The following CPSF3 variants were observed in gnomAD, a reference collection of about 807,000 sequenced individuals.
CPSF3 encodes the protein cleavage and polyadenylation specificity factor subunit 3.
A neutral mutation model predicts 84.1 loss-of-function variants in CPSF3; 57 were observed. The ratio of observed to expected loss-of-function variants is 0.68; its 90% CI spans 0.55 to 0.85. The LOEUF is 0.85. CPSF3 is among the 40% of genes least tolerant of loss of function. The pLI is 0.00. For missense variants in CPSF3, 522 were observed against 838.8 expected (o/e 0.62, Z 4.66); for synonymous variants, 275 against 278.1 (o/e 0.99, Z 0.11).
intron 16 of CPSF3, among the ~76,000 whole-genome samples, chr2:9,470,345 TC>T (rs1229623928): frequency 6.6e-6 from 1 of 152,154 alleles, no homozygotes; most frequent in African/African-American, 2.4e-5. Flanking sequence ...ACTCCCCACT[TC>T]CCCCGCTTAA....
In CPSF3 at chr2:9,443,539, A is replaced by G. The variant is rs371721884; in HGVS notation, c.1120A>G (p.Ile374Val). 1.7e-5 allele frequency: 28 copies of G among 1,613,850 alleles called. No individual in the cohort carries two copies. In the African/African-American group the frequency reaches 3.5e-4, roughly 20 times the overall value. ...GCACATCATGTCTGAACCTGAAGAA[A>G]TCACTACTATGTCTGGACAGAAGTT... ...AKHIMSEPEE[I>V]TTMSGQKLPL... Residue 374 changes from isoleucine to valine, a missense_variant, in exon 10 of 18, where the codon ATC (isoleucine) becomes GTC (valine). Around this residue, in one of 2 missense-constraint regions of CPSF3, gnomAD observed 329 missense variants for 607.2 expected, o/e 0.54. Transcript: ENST00000238112.
At chr2:9,454,998 A>G (rs1681473855) in intron 12 of CPSF3, among the ~76,000 whole-genome samples, 1 of 152,172 alleles carries the variant, frequency 6.6e-6, no homozygotes, top group Non-Finnish European at 1.5e-5. Context: ...GGAGCTGGAA[A>G]AAGCTTTGTA....
Position 9,459,553 on chromosome 2 carries a change from A to C in CPSF3, c.1721A>C (p.Asp574Ala). ...VLEWLANPSN[D>A]MYADTVTTVI... The stretch of plus-strand genomic sequence containing the variant: ...CAGTGGCTGGCAAACCCTTCTAATG[A>C]TATGTATGCAGATACAGTAACAACT... The change falls in exon 15 of 18, where the codon GAT becomes GCT. Residue 574 changes from aspartate (D) to alanine (A), a missense_variant. Physicochemically the swap from Asp to Ala is moderately radical, Grantham distance 126. Around this residue, in one of 2 missense-constraint regions of CPSF3, gnomAD observed 193 missense variants for 231.6 expected, o/e 0.83. Coordinates refer to ENST00000238112, the MANE Select transcript of CPSF3 (RefSeq NM_016207.4). 6.3e-7 allele frequency: 1 copy of C among 1,598,976 alleles called. No individual in the cohort carries two copies. Among genetic ancestry groups the C allele is most frequent in the South Asian group, 1.1e-5 (1 of 90,842 alleles).
At chr2:9,470,668 C>T (rs1682134047) in intron 16 of CPSF3, among the ~76,000 whole-genome samples, 1 of 152,152 alleles carries the variant, frequency 6.6e-6, no homozygotes, top group African/African-American at 2.4e-5. Flanking sequence ...GCCATTTAAA[C>T]CTAGATACCT....
chr2:9,445,574 G>A (rs1405910456), intron 10 of CPSF3, among the ~76,000 whole-genome samples: 1 of 152,182 alleles, frequency 6.6e-6, no homozygotes, highest in Non-Finnish European at 1.5e-5. Context: ...TCACTCTCCT[G>A]TCTATAGCAT....
At chr2:9,466,406 G>T (rs528699142) in intron 15 of CPSF3, among the ~76,000 whole-genome samples, 1 of 141,770 alleles carries the variant, frequency 7.1e-6, no homozygotes, top group African/African-American at 2.8e-5. Context: ...ACACACGCAC[G>T]CGCACACACG....
intron 1 of CPSF3, among the ~76,000 whole-genome samples, chr2:9,428,057 C>T (rs1404767813): frequency 2.7e-5 from 4 of 149,486 alleles, no homozygotes; most frequent in Non-Finnish European, 3.0e-5. Flanking sequence ...AGCGCAGTGG[C>T]GCGATCTCAG....
At chr2:9,442,672 G>A (rs1311550854) in intron 9 of CPSF3, among the ~76,000 whole-genome samples, 1 of 152,032 alleles carries the variant, frequency 6.6e-6, no homozygotes, top group Non-Finnish European at 1.5e-5. Flanking sequence ...CCAACATGGC[G>A]AAACCCCGTC....
In CPSF3 at chr2:9,434,049, A is replaced by G. The variant is rs1680690107; in HGVS notation, c.609+89A>G. 2.1e-5 allele frequency: 16 copies of G among 771,074 alleles called. No homozygotes were observed. In the Admixed American group the frequency reaches 3.8e-4, roughly 18 times the overall value. The allele number at this position is 771,074 out of a possible 1,614,324, so 47.8% of individuals were successfully genotyped here. ...ATAATACTGTGATCTCACTTTCATA[A>G]TATGTTATTGGATATAAACTTACCT... On this transcript the variant is annotated intron_variant, in intron 6 of 17. Transcript: ENST00000238112.
At chr2:9,466,345 C>T (rs934793496) in intron 15 of CPSF3, among the ~76,000 whole-genome samples, 19 of 44,362 alleles carry the variant, frequency 4.3e-4, no homozygotes, top group Admixed American at 1.9e-3. Flanking sequence ...CACACACGCG[C>T]GCGCGCGCAC....
chr2:9,427,981 ATTTTAAAAAAAAAAATTTTT>A (rs1680446140), intron 1 of CPSF3, among the ~76,000 whole-genome samples: 1 of 150,696 alleles, frequency 6.6e-6, no homozygotes, highest in Admixed American at 6.6e-5. Flanking sequence ...ATGAATAAGT[ATTTTAAAAAAAAAAATTTTT>A]TTTTTTTTTT....
intron 15 of CPSF3, among the ~76,000 whole-genome samples, chr2:9,466,218 GCACGCA>G (rs1294586605): frequency 6.1e-4 from 84 of 138,030 alleles, no homozygotes; most frequent in African/African-American, 2.3e-3. Context: ...GCGCACACAC[GCACGCA>G]CACACACACG....
intron 13 of CPSF3, among the ~76,000 whole-genome samples, chr2:9,456,002 A>T (rs1001706975): frequency 6.6e-6 from 1 of 152,056 alleles, no homozygotes; most frequent in African/African-American, 2.4e-5. Context: ...ATATACTCAA[A>T]TTTTTTTTAA....
intron 11 of CPSF3, among the ~76,000 whole-genome samples, chr2:9,451,858 A>T (rs1165277819): frequency 6.6e-6 from 1 of 151,672 alleles, no homozygotes. Flanking sequence ...CTGGGACTAC[A>T]GGCGCCCGCC....
At position 9,471,138 on chromosome 2, in the gene CPSF3, C is replaced by T. The variant is rs540325352; in HGVS notation, c.1857-205C>T. ...CTGAGGCAGGAGAATCACTTGAATC[C>T]GGGAGGCGGAGGTTGTAGTGAGCCA... On this transcript the variant is annotated intron_variant, in intron 16 of 17. Coordinates refer to ENST00000238112, the MANE Select transcript of CPSF3 (RefSeq NM_016207.4). Among the ~76,000 whole-genome samples, 389 of 151,906 alleles carry T rather than the reference C, an allele frequency of 2.6e-3. 3 individuals are homozygous for T. Among genetic ancestry groups the T allele is most frequent in the African/African-American group, 8.7e-3 (360 of 41,378 alleles).
At chr2:9,466,074 C>T in intron 15 of CPSF3, among the ~76,000 whole-genome samples, 1 of 152,196 alleles carries the variant, frequency 6.6e-6, no homozygotes, top group Non-Finnish European at 1.5e-5. Flanking sequence ...GACATGGTGG[C>T]TCACACCTGT....
At chr2:9,439,041 G>A (rs924582811) in intron 7 of CPSF3, among the ~76,000 whole-genome samples, 1 of 152,150 alleles carries the variant, frequency 6.6e-6, no homozygotes, top group South Asian at 2.1e-4. Flanking sequence ...GATGTAGTCC[G>A]CTTTAGGGTA....
chr2:9,464,998 A>G (rs1681853292), intron 15 of CPSF3, among the ~76,000 whole-genome samples: 1 of 152,168 alleles, frequency 6.6e-6, no homozygotes, highest in African/African-American at 2.4e-5. Flanking sequence ...AAGTGCTGGG[A>G]TTACAGGCGA....
At chr2:9,457,153 G>T in intron 14 of CPSF3, 126 bp downstream of exon 14, 1 of 354,944 alleles carries the variant, frequency 2.8e-6, no homozygotes. Context: ...GTATATGTGT[G>T]TGTGTGTGTG....
Sources: allele counts gnomAD v4.1 joint callset (sites outside exome capture counted in the v4.1 genomes callset), GRCh38; gene constraint gnomAD v4.1.1; regional missense constraint gnomAD v4.1.1; transcripts MANE v1.5; gene names NCBI Gene and HGNC (gene_info 2026-07-23, HGNC 2026-07-21).